The following KATNA1 variants were observed in gnomAD, a reference collection of about 807,000 sequenced individuals.
KATNA1 encodes katanin catalytic subunit A1, also known as katanin p60 ATPase-containing subunit A1.
Under a neutral mutation model 62.6 loss-of-function variants are expected in KATNA1, and 42 were observed. The ratio of observed to expected loss-of-function variants is 0.67; its 90% confidence interval spans 0.52 to 0.87. The LOEUF is 0.87. Ranked by LOEUF, KATNA1 falls within the 40% of genes least tolerant of loss-of-function variation. KATNA1 has a pLI of 0.00. For synonymous variants in KATNA1, 186 were observed against 201.9 expected, an observed-to-expected ratio of 0.92 and a Z score of 0.67; for missense variants, 498 against 612.5, an observed-to-expected ratio of 0.81 and a Z score of 1.97.
chr6:149,637,525 C>T (rs1780111991), intron 2 of KATNA1, among the ~76,000 whole-genome samples: 1 of 152,042 alleles, frequency 6.6e-6, no homozygotes, highest in Non-Finnish European at 1.5e-5. Flanking sequence ...ATGTCAAAAC[C>T]ATTGTTTTAA....
Position 149,604,798 on chromosome 6 carries a change from AAAAC to A in KATNA1, c.502-20_502-17del. 1.9e-6 allele frequency: 3 copies of A among 1,604,906 alleles called. No homozygotes were observed. The highest frequency in any genetic ancestry group is 2.5e-6 in the Non-Finnish European group (3 of 1,177,736). ...GTGATTTGTTCTACATGAAGAGAAA[AAAAC>A]AAGCGCTTTTGATTCATTTATTTTG... On this transcript the variant is annotated splice_polypyrimidine_tract_variant and intron_variant, in intron 4 of 10. Coordinates refer to ENST00000367411, the MANE Select transcript of KATNA1 (RefSeq NM_007044.4).
At chr6:149,611,019 T>C (rs553074270) in intron 4 of KATNA1, among the ~76,000 whole-genome samples, 1 of 152,202 alleles carries the variant, frequency 6.6e-6, no homozygotes, top group Non-Finnish European at 1.5e-5. Context: ...GAGGTGGTGG[T>C]TGCAGTGAGC....
intron 4 of KATNA1, among the ~76,000 whole-genome samples, chr6:149,606,834 G>A (rs1778759493): frequency 6.6e-6 from 1 of 151,962 alleles, no homozygotes; most frequent in African/African-American, 2.4e-5. Flanking sequence ...CAGCTAGGCT[G>A]GTCTTGAACT....
intron 3 of KATNA1, among the ~76,000 whole-genome samples, chr6:149,628,850 C>T (rs1779724207): frequency 6.6e-6 from 1 of 151,296 alleles, no homozygotes; most frequent in African/African-American, 2.4e-5. Context: ...AAAGAATGAC[C>T]CTCTTAAGCA....
intron 2 of KATNA1, among the ~76,000 whole-genome samples, chr6:149,636,535 T>C (rs1460122585): frequency 3.3e-5 from 5 of 152,190 alleles, no homozygotes; most frequent in African/African-American, 9.7e-5. Context: ...GATAGGCTGT[T>C]TCTCTCAAAA....
chr6:149,642,880 G>A (rs548541681), intron 1 of KATNA1, among the ~76,000 whole-genome samples: 4 of 152,278 alleles, frequency 2.6e-5, no homozygotes, highest in Admixed American at 2.6e-4. Context: ...TATAACAAAA[G>A]AAGGGCCTTA....
chr6:149,616,514 C>T (rs1036345226), intron 4 of KATNA1, among the ~76,000 whole-genome samples: 5 of 152,182 alleles, frequency 3.3e-5, no homozygotes, highest in South Asian at 2.1e-4. Flanking sequence ...AATCCCAGCA[C>T]TTTTGGAGGC....
At chr6:149,639,242 T>C (rs1205177389) in intron 1 of KATNA1, among the ~76,000 whole-genome samples, 3 of 151,946 alleles carry the variant, frequency 2.0e-5, no homozygotes, top group Non-Finnish European at 4.4e-5. Context: ...GAGGTTGCAG[T>C]AGGCCAAGAT....
intron 1 of KATNA1, among the ~76,000 whole-genome samples, chr6:149,647,086 T>A (rs919669759): frequency 6.6e-6 from 1 of 151,936 alleles, no homozygotes; most frequent in Non-Finnish European, 1.5e-5. Flanking sequence ...ACCAACGCTA[T>A]AAAGAAGCTT....
Position 149,644,860 on chromosome 6 carries a change from A to G in KATNA1, c.-14+3609T>C, listed in dbSNP as rs145461669. On this transcript the variant is annotated intron_variant, in intron 1 of 10. Transcript: ENST00000367411. ...AATGTAAAGTCTAATCCAAGGCCAC[A>G]TTAACAAATGACTTGAAAAATCCCT... is the stretch of plus-strand genomic sequence containing the variant. Among the ~76,000 whole-genome samples, 721 of 152,328 alleles carry G rather than the reference A, an allele frequency of 4.7e-3. 3 individuals carry two copies. Among genetic ancestry groups the G allele is most frequent in the Non-Finnish European group, 8.6e-3 (583 of 68,038 alleles).
At chr6:149,623,590 T>A (rs1004279368) in intron 3 of KATNA1, among the ~76,000 whole-genome samples, 3 of 151,868 alleles carry the variant, frequency 2.0e-5, no homozygotes, top group African/African-American at 7.3e-5. Flanking sequence ...TACAAAAAAT[T>A]AGCCAGGCGT....
intron 7 of KATNA1, among the ~76,000 whole-genome samples, chr6:149,600,216 A>G (rs886396828): frequency 1.4e-4 from 21 of 150,076 alleles, no homozygotes; most frequent in African/African-American, 5.1e-4. Flanking sequence ...AAAAAAAAAA[A>G]AAAAGCTGAA....
intron 4 of KATNA1, among the ~76,000 whole-genome samples, chr6:149,618,473 G>A (rs1241159324): frequency 2.0e-5 from 3 of 151,106 alleles, no homozygotes; most frequent in African/African-American, 4.9e-5. Context: ...GCGAGACTTC[G>A]TCTCAAAAAA....
intron 3 of KATNA1, among the ~76,000 whole-genome samples, chr6:149,625,686 T>C (rs1166397284): frequency 6.7e-6 from 1 of 149,492 alleles, no homozygotes; most frequent in Non-Finnish European, 1.5e-5. Context: ...GTAATTCCAG[T>C]ACTGTGGGAG....
chr6:149,646,279 T>G (rs547611613), intron 1 of KATNA1, among the ~76,000 whole-genome samples: 230 of 152,298 alleles, frequency 1.5e-3, no homozygotes, highest in African/African-American at 5.3e-3. Context: ...AAACATAGAA[T>G]ATTATTAAAC....
intron 1 of KATNA1, among the ~76,000 whole-genome samples, chr6:149,642,134 C>A (rs1016371588): frequency 2.6e-5 from 4 of 152,182 alleles, no homozygotes; most frequent in Admixed American, 6.5e-5. Context: ...ATCTCTTGAC[C>A]TTGTGATCCG....
At chr6:149,620,940 G>T (rs1779368059) in intron 4 of KATNA1, among the ~76,000 whole-genome samples, 1 of 152,108 alleles carries the variant, frequency 6.6e-6, no homozygotes, top group Non-Finnish European at 1.5e-5. Context: ...GAATCACTGG[G>T]TGCTAAAACT....
intron 1 of KATNA1, among the ~76,000 whole-genome samples, chr6:149,639,007 G>A (rs111716191): frequency 0.03 from 4,501 of 151,818 alleles, 242 homozygotes; most frequent in African/African-American, 0.1. Context: ...CCAAAGTGCT[G>A]GGATTACAGG....
At chr6:149,604,300 CA>C (rs1440839317) in intron 5 of KATNA1, among the ~76,000 whole-genome samples, 13 of 151,962 alleles carry the variant, frequency 8.6e-5, no homozygotes, top group African/African-American at 2.9e-4. Flanking sequence ...TCCATCTCTA[CA>C]AAACATTTTT....
Sources: allele counts gnomAD v4.1 joint callset (sites outside exome capture counted in the v4.1 genomes callset), GRCh38; gene constraint gnomAD v4.1.1; transcripts MANE v1.5; gene names NCBI Gene and HGNC (gene_info 2026-07-23, HGNC 2026-07-21).